The following IGSF21 variants were observed in gnomAD, a reference collection of about 807,000 sequenced individuals.
IGSF21 encodes immunoglobulin superfamily member 21.
Under a neutral mutation model 46.8 loss-of-function variants are expected in IGSF21, and 28 were observed. The observed-to-expected ratio is 0.60, with a 90% CI of 0.44 to 0.82. The LOEUF (loss-of-function observed/expected upper bound fraction) is 0.82, where lower values mean the gene tolerates loss of function less well. Among genes scored for constraint, IGSF21 ranks in the 40% least tolerant of loss-of-function variants. IGSF21 has a pLI of 0.00. For synonymous variants in IGSF21, 284 were observed against 273.6 expected (o/e 1.04, Z -0.38); for missense variants, 624 against 665.5 (o/e 0.94, Z 0.69).
At chr1:18,260,840 A>C (rs1329260982) in intron 2 of IGSF21, among the ~76,000 whole-genome samples, 1 of 152,040 alleles carries the variant, frequency 6.6e-6, no homozygotes, top group Admixed American at 6.5e-5. Flanking sequence ...CTCCTACCTC[A>C]TTTGGAACTT....
Position 18,256,003 on chromosome 1 carries a change from T to C in IGSF21, c.183+27993T>C, listed in dbSNP as rs575703041. Reference sequence around the variant, plus strand: ...GCTTGCCATTGGCCTCAGGATGGAGTGCAGCTCTGTTCCATGTCCTACAAA... The same window carrying C: ...GCTTGCCATTGGCCTCAGGATGGAGCGCAGCTCTGTTCCATGTCCTACAAA... On this transcript the variant is annotated intron_variant, in intron 2 of 9. Coordinates refer to ENST00000251296, the MANE Select transcript of IGSF21 (RefSeq NM_032880.5). 2.0e-5 allele frequency among the ~76,000 whole-genome samples: 3 copies of C among 152,236 alleles called. No homozygotes were observed. In the South Asian group the frequency reaches 6.2e-4, roughly 32 times the overall value.
At chr1:18,177,558 G>A (rs189089529) in intron 1 of IGSF21, among the ~76,000 whole-genome samples, 1 of 151,856 alleles carries the variant, frequency 6.6e-6, no homozygotes, top group Admixed American at 6.6e-5. Context: ...GTTGATTATT[G>A]CCTTGTCCTG....
intron 2 of IGSF21, among the ~76,000 whole-genome samples, chr1:18,234,369 C>G (rs2084654648): frequency 6.6e-6 from 1 of 152,172 alleles, no homozygotes; most frequent in South Asian, 2.1e-4. Flanking sequence ...GAAGAGAAGG[C>G]AGCCAGAGAG....
At chr1:18,357,414 A>G (rs2086031328) in intron 4 of IGSF21, among the ~76,000 whole-genome samples, 1 of 131,178 alleles carries the variant, frequency 7.6e-6, no homozygotes, top group Admixed American at 8.0e-5. Flanking sequence ...AGGGATGAGG[A>G]TGGGGATGGG....
At chr1:18,306,786 T>G (rs2085430466) in intron 3 of IGSF21, among the ~76,000 whole-genome samples, 1 of 152,194 alleles carries the variant, frequency 6.6e-6, no homozygotes, top group Admixed American at 6.5e-5. Flanking sequence ...CAGTTTCCTT[T>G]TTGTCCAATG....
At chr1:18,253,866 A>T (rs1341437988) in intron 2 of IGSF21, among the ~76,000 whole-genome samples, 1 of 152,202 alleles carries the variant, frequency 6.6e-6, no homozygotes, top group Non-Finnish European at 1.5e-5. Context: ...CTGAAACAGC[A>T]GATTTTAAGC....
chr1:18,211,280 C>T (rs2168388), intron 1 of IGSF21, among the ~76,000 whole-genome samples: 21,463 of 152,176 alleles, frequency 0.14, 2,305 homozygotes, highest in East Asian at 0.39. Context: ...AGTCTGAACT[C>T]AAGAGCTTTG....
intron 1 of IGSF21, among the ~76,000 whole-genome samples, chr1:18,155,195 G>C (rs914156878): frequency 6.6e-6 from 1 of 151,982 alleles, no homozygotes; most frequent in Non-Finnish European, 1.5e-5. Context: ...ATTTGCACCC[G>C]CCTCCCCAGC....
chr1:18,129,080 G>T (rs921221657), intron 1 of IGSF21, among the ~76,000 whole-genome samples: 1 of 152,190 alleles, frequency 6.6e-6, no homozygotes, highest in African/African-American at 2.4e-5. Flanking sequence ...CATCCGTTTT[G>T]TAGCAGCTGA....
chr1:18,273,448 T>TC lies in IGSF21; in HGVS notation c.184-18418_184-18417insC, dbSNP rs1557618339. 3.3e-4 allele frequency among the ~76,000 whole-genome samples: 32 copies of TC among 95,618 alleles called. 1 individual carries two copies. Among genetic ancestry groups the TC allele is most frequent in the Middle Eastern group, 4.8e-3 (1 of 208 alleles). The allele number at this position is 95,618 out of a possible 152,430, so 62.7% of individuals were successfully genotyped here. A position where few individuals can be genotyped will look rare whatever the true frequency, so the allele number is the denominator to read the frequency against. On this transcript the variant is annotated intron_variant, in intron 2 of 9. Transcript: ENST00000251296. ...TCCTTTCCTTTCTTTCTTTCTCACTTTCTTTCTTTCTCTCTCTTTCTTTCT... is the reference window on the plus strand; with the variant it reads ...TCCTTTCCTTTCTTTCTTTCTCACTTCTCTTTCTTTCTCTCTCTTTCTTTCT...
chr1:18,325,038 G>T lies in IGSF21; in HGVS notation c.306-9854G>T, dbSNP rs141712474. The stretch of plus-strand genomic sequence containing the variant: ...CCTGGAGTCTGGGTCCCACTTTCTG[G>T]GCTGAGCTCGAGTGTAGACCCACCT... On this transcript the variant is annotated intron_variant, in intron 3 of 9. Transcript: ENST00000251296. 3.3e-3 allele frequency among the ~76,000 whole-genome samples: 500 copies of T among 152,292 alleles called. 4 individuals are homozygous for T. Among genetic ancestry groups the T allele is most frequent in the African/African-American group, 0.012 (479 of 41,580 alleles).
At chr1:18,301,873 C>T (rs1203716859) in intron 3 of IGSF21, among the ~76,000 whole-genome samples, 2 of 152,188 alleles carry the variant, frequency 1.3e-5, no homozygotes, top group African/African-American at 4.8e-5. Context: ...CAAGTGATGC[C>T]TACTCTTGGC....
At chr1:18,301,299 T>C (rs924712001) in intron 3 of IGSF21, among the ~76,000 whole-genome samples, 8 of 151,048 alleles carry the variant, frequency 5.3e-5, no homozygotes, top group African/African-American at 2.0e-4. Context: ...GGTGAGCAGG[T>C]CATCCAACAA....
intron 1 of IGSF21, among the ~76,000 whole-genome samples, chr1:18,178,134 GAGAA>G (rs1037770454): frequency 6.6e-6 from 1 of 152,182 alleles, no homozygotes; most frequent in African/African-American, 2.4e-5. Flanking sequence ...CTGGAAAAGA[GAGAA>G]AGGGAGTGTC....
intron 1 of IGSF21, among the ~76,000 whole-genome samples, chr1:18,200,396 A>G (rs1295085040): frequency 1.3e-5 from 2 of 152,182 alleles, no homozygotes; most frequent in African/African-American, 4.8e-5. Flanking sequence ...TCTGGAGGCT[A>G]GAAGTCCAAG....
chr1:18,298,819 T>C (rs1008563169), intron 3 of IGSF21, among the ~76,000 whole-genome samples: 3 of 152,198 alleles, frequency 2.0e-5, no homozygotes, highest in Non-Finnish European at 2.9e-5. Flanking sequence ...CTTCGGAGCT[T>C]ACAGCCTGTT....
intron 4 of IGSF21, among the ~76,000 whole-genome samples, chr1:18,354,289 G>A (rs568846219): frequency 6.6e-6 from 1 of 152,290 alleles, no homozygotes; most frequent in African/African-American, 2.4e-5. Flanking sequence ...AGGCAGCTCA[G>A]CATTGCTGAA....
intron 1 of IGSF21, among the ~76,000 whole-genome samples, chr1:18,161,041 G>C (rs977123235): frequency 1.3e-5 from 2 of 152,136 alleles, no homozygotes; most frequent in African/African-American, 2.4e-5. Context: ...TCCTGCTGGG[G>C]CCTGGCCAGG....
chr1:18,318,850 T>C (rs980960131), intron 3 of IGSF21, among the ~76,000 whole-genome samples: 1 of 152,210 alleles, frequency 6.6e-6, no homozygotes, highest in Admixed American at 6.5e-5. Context: ...AACAAATCTA[T>C]ACGTTTGGCT....
Sources: allele counts gnomAD v4.1 joint callset (sites outside exome capture counted in the v4.1 genomes callset), GRCh38; gene constraint gnomAD v4.1.1; transcripts MANE v1.5; gene names NCBI Gene and HGNC (gene_info 2026-07-23, HGNC 2026-07-21).